COL4A3: variants seen among roughly 807,000 people sequenced by gnomAD.
COL4A3 encodes collagen alpha-3(IV) chain.
In COL4A3, 135 loss-of-function variants were observed where a neutral mutation model predicts 217.4. The observed-to-expected ratio is 0.62, with a 90% CI of 0.54 to 0.72. COL4A3 has a LOEUF of 0.72. COL4A3 is among the 30% of genes least tolerant of loss of function. The pLI is 0.00. For missense variants in COL4A3, 1,868 were observed against 2,119.9 expected (o/e 0.88, Z 2.33); for synonymous variants, 690 against 736.3 (o/e 0.94, Z 1.02).
chr2:227,280,419 A>G, intron 29 of COL4A3, 21 bp from the exon 30 acceptor site: 2 of 1,613,536 alleles, frequency 1.2e-6, no homozygotes, highest in East Asian at 2.2e-5. Context: ...ATATAGTAAT[A>G]ACACAATTTC....
chr2:227,222,031 G>A (rs996631420), intron 1 of COL4A3, among the ~76,000 whole-genome samples: 8 of 151,448 alleles, frequency 5.3e-5, no homozygotes, highest in Non-Finnish European at 2.9e-5. Flanking sequence ...TAAGTAGCTT[G>A]TAGTCCCACC....
chr2:227,305,347 C>T, intron 47 of COL4A3: 1 of 424,924 alleles, frequency 2.4e-6, no homozygotes, highest in South Asian at 2.4e-5. Context: ...CTAATAAGTC[C>T]TATGGGTGTT....
In COL4A3 at chr2:227,307,886, C is replaced by T; in HGVS notation, c.4429C>T (p.Gln1477Ter). Residue 1477 changes from glutamine (Q) to a stop codon, truncating the protein, a stop_gained, in exon 48 of 52, where the codon CAA (glutamine) becomes TAA (stop). Coordinates refer to ENST00000396578, the MANE Select transcript of COL4A3 (RefSeq NM_000091.5). LOFTEE classifies it high-confidence loss of function. Reference protein sequence around the residue: ...LYSGFSFLFVQGNQRAHGQDL... With the variant: ...LYSGFSFLFV ...CAGTGGGTTTTCTTTTCTTTTTGTA[C>T]AAGGAAATCAACGAGCCCACGGACA... 6.2e-7 allele frequency: 1 copy of T among 1,614,124 alleles called. No homozygotes were observed. The highest frequency in any genetic ancestry group is 1.7e-5 in the Admixed American group (1 of 60,014).
In COL4A3 at chr2:227,239,870, C is replaced by T. The variant is rs140342463; in HGVS notation, c.145-273C>T. On this transcript the variant is annotated intron_variant, in intron 2 of 51. Transcript: ENST00000396578. ...TTTATTCCGTCTCCCTTAAGCTCTGCTCTACATAGCCCTACCATTTGGGAG... is the reference window on the plus strand; with the variant it reads ...TTTATTCCGTCTCCCTTAAGCTCTGTTCTACATAGCCCTACCATTTGGGAG... 4.6e-5 allele frequency among the ~76,000 whole-genome samples: 7 copies of T among 152,312 alleles called. No individual in the cohort carries two copies. The East Asian group carries it at 1.4e-3, about 29-fold the overall frequency.
chr2:227,284,104 C>A, intron 33 of COL4A3, 107 bp from the exon 34 acceptor site: 1 of 1,478,908 alleles, frequency 6.8e-7, no homozygotes, highest in Non-Finnish European at 9.3e-7. Context: ...CACTGTTAGC[C>A]TTTTTTGTTT....
At chr2:227,307,204 C>A (rs1211194317) in intron 47 of COL4A3, among the ~76,000 whole-genome samples, 1 of 152,116 alleles carries the variant, frequency 6.6e-6, no homozygotes, top group East Asian at 1.9e-4. Context: ...ACAAATTGAT[C>A]AAAACTTCCT....
In COL4A3 at chr2:227,191,389, AG is replaced by A. The variant is rs1053491862; in HGVS notation, c.87+26581del. ...CAAAAACAAAAAATTTAAGTGGGTG[AG>A]GGGGCAGGAAGAACAATAAAGAAAG... On this transcript the variant is annotated intron_variant, in intron 1 of 51. Coordinates refer to ENST00000396578, the MANE Select transcript of COL4A3 (RefSeq NM_000091.5). This position sits in a 1 kb window ranked among gnomAD's most constrained non-coding sequence, Gnocchi z 6.8. Among the ~76,000 whole-genome samples, 2 of 152,174 alleles carry A rather than the reference AG, an allele frequency of 1.3e-5. No individual in the cohort carries two copies. Among genetic ancestry groups the A allele is most frequent in the Non-Finnish European group, 2.9e-5 (2 of 68,014 alleles).
chr2:227,209,241 G>A lies in COL4A3; in HGVS notation c.88-28727G>A, dbSNP rs142178953. On this transcript the variant is annotated intron_variant, in intron 1 of 51. Coordinates refer to ENST00000396578, the MANE Select transcript of COL4A3 (RefSeq NM_000091.5). ...CCTAAGAGTATGTGGCCTATGTTGC[G>A]TCCAGCTGGTTCTAGATGGTCCAAT... is the stretch of plus-strand genomic sequence containing the variant. Among the ~76,000 whole-genome samples the A allele has an allele frequency of 4.0e-3, 612 of 152,298 alleles. 1 individual carries two copies. The highest frequency in any genetic ancestry group is 0.027 in the Middle Eastern group (8 of 294).
intron 1 of COL4A3, among the ~76,000 whole-genome samples, chr2:227,165,839 T>A (rs1334517817): frequency 4.1e-5 from 6 of 147,294 alleles, no homozygotes; most frequent in Non-Finnish European, 8.9e-5. Context: ...GCAGACATTA[T>A]AGGTGAAACT....
chr2:227,269,496 T>C (rs557343005), intron 23 of COL4A3, among the ~76,000 whole-genome samples: 1 of 152,324 alleles, frequency 6.6e-6, no homozygotes, highest in East Asian at 1.9e-4. Flanking sequence ...AAATAGTGTG[T>C]CTACGAGTCC....
rs572468744 is a variant in COL4A3, at chr2:227,230,006, G to A, written c.88-7962G>A. 1.9e-3 allele frequency among the ~76,000 whole-genome samples: 290 copies of A among 149,548 alleles called. 1 individual carries two copies. The highest frequency in any genetic ancestry group is 6.9e-3 in the African/African-American group (280 of 40,518). ...GTGGAGCTTGCAGTGAGCCGAGACC[G>A]TGCCACTGCACTCCAGCCTGGGCAA... On this transcript the variant is annotated intron_variant, in intron 1 of 51. Coordinates refer to ENST00000396578, the MANE Select transcript of COL4A3 (RefSeq NM_000091.5).
intron 41 of COL4A3, among the ~76,000 whole-genome samples, chr2:227,296,070 A>G (rs7572710): frequency 1 from 152,349 of 152,356 alleles, 76,171 homozygotes; most frequent in Middle Eastern, 1. Flanking sequence ...ATGTTCACGC[A>G]AACCAGCAAA....
At chr2:227,257,384 G>A (rs988083610) in intron 17 of COL4A3, among the ~76,000 whole-genome samples, 2 of 152,170 alleles carry the variant, frequency 1.3e-5, no homozygotes, top group African/African-American at 2.4e-5. Flanking sequence ...AACCACCAGG[G>A]CAATAACTAC....
chr2:227,312,357 T>G lies in COL4A3; in HGVS notation c.*487T>G. The G allele has an allele frequency of 5.5e-6, 1 of 182,830 alleles. No individual in the cohort carries two copies. The highest frequency in any genetic ancestry group is 1.2e-5 in the Non-Finnish European group (1 of 86,560). 11.3% of individuals were successfully genotyped at this position (182,830 alleles called of 1,614,324 possible). ...TATCCTGGAGCATTGTGTATAGAACTGGATTTTCAGACCTGCTGAGGACCG... is the reference window on the plus strand; with the variant it reads ...TATCCTGGAGCATTGTGTATAGAACGGGATTTTCAGACCTGCTGAGGACCG... On this transcript the variant is annotated 3_prime_UTR_variant, in exon 52 of 52. Transcript: ENST00000396578.
At chr2:227,288,170 C>T (rs1419570693) in intron 34 of COL4A3, among the ~76,000 whole-genome samples, 4 of 150,592 alleles carry the variant, frequency 2.7e-5, no homozygotes, top group African/African-American at 9.8e-5. Context: ...GATCTCGGCT[C>T]ACTGCAACCT....
chr2:227,266,150 A>C (rs1164258090), intron 21 of COL4A3, among the ~76,000 whole-genome samples: 1 of 152,034 alleles, frequency 6.6e-6, no homozygotes, highest in African/African-American at 2.4e-5. Flanking sequence ...GAAACAACTA[A>C]GTAAGATAAA....
chr2:227,256,663 G>C, intron 17 of COL4A3: 1 of 621,862 alleles, frequency 1.6e-6, no homozygotes, highest in Non-Finnish European at 3.0e-6. Context: ...CCATGAGGAA[G>C]AGGTTGAAAA....
At chr2:227,269,844 G>A (rs1424962343) in intron 23 of COL4A3, 66 bp from the exon 24 acceptor site, 4 of 1,320,946 alleles carry the variant, frequency 3.0e-6, no homozygotes, top group Middle Eastern at 1.8e-4. Flanking sequence ...TTCATACATT[G>A]TATTACCCTG....
At chr2:227,198,090 G>A (rs777101557) in intron 1 of COL4A3, among the ~76,000 whole-genome samples, 3 of 152,210 alleles carry the variant, frequency 2.0e-5, no homozygotes, top group Non-Finnish European at 4.4e-5. Context: ...CTCTTAGAGA[G>A]GCCCCGCTTG....
Sources: gnomAD v4.1 joint callset for allele counts (sites outside exome capture counted in the v4.1 genomes callset) on GRCh38, gnomAD v4.1.1 for gene constraint, Gnocchi (gnomAD v3.1) non-coding constraint, MANE v1.5 for transcripts, NCBI Gene and HGNC (gene_info 2026-07-23, HGNC 2026-07-21) for gene names.